TXK: variants seen among roughly 807,000 people sequenced by gnomAD.
The protein encoded by TXK is TXK tyrosine kinase.
TXK carries 60 observed loss-of-function variants against 81.0 expected under a neutral mutation model. The observed-to-expected ratio is 0.74, with a 90% CI of 0.60 to 0.92. The LOEUF (loss-of-function observed/expected upper bound fraction) is 0.92. TXK is among the 40% of genes least tolerant of loss of function. The pLI is 0.00. For missense variants in TXK, 581 were observed against 638.3 expected (o/e 0.91, Z 0.97); for synonymous variants, 203 against 210.7 (o/e 0.96, Z 0.32).
intron 1 of TXK, among the ~76,000 whole-genome samples, chr4:48,124,533 T>C (rs887272603): frequency 6.6e-6 from 1 of 151,896 alleles, no homozygotes; most frequent in Middle Eastern, 3.2e-3. Context: ...CCCACCAATA[T>C]CAACACCCTT....
At chr4:48,127,004 A>G (rs995395627) in intron 1 of TXK, among the ~76,000 whole-genome samples, 4 of 152,216 alleles carry the variant, frequency 2.6e-5, no homozygotes, top group African/African-American at 9.7e-5. Context: ...TTCCTGATTC[A>G]ATAGCAAAGA....
intron 5 of TXK, among the ~76,000 whole-genome samples, chr4:48,106,698 C>G (rs889674959): frequency 6.6e-6 from 1 of 152,072 alleles, no homozygotes; most frequent in Non-Finnish European, 1.5e-5. Context: ...TAGTAAATGA[C>G]TTTCTAACTG....
At chr4:48,090,351 G>A (rs1041307056) in intron 8 of TXK, among the ~76,000 whole-genome samples, 3 of 152,086 alleles carry the variant, frequency 2.0e-5, no homozygotes, top group Non-Finnish European at 2.9e-5. Flanking sequence ...AGGTCAAAGC[G>A]TGTCCAGAAA....
rs758178726 is a variant in TXK, at chr4:48,095,206, A to C, written c.518T>G (p.Phe173Cys). 5.6e-6 allele frequency: 9 copies of C among 1,613,488 alleles called. No individual in the cohort carries two copies. The South Asian group carries it at 6.6e-5, about 12-fold the overall frequency. The change falls in exon 7 of 15, where the codon TTT becomes TGT. Residue 173 changes from phenylalanine to cysteine, a missense_variant. Physicochemically the swap from Phe to Cys is radical, Grantham distance 205. Coordinates refer to ENST00000264316, the MANE Select transcript of TXK (RefSeq NM_003328.3). ...TAAATGTCTTGAATCTCTGACAATA[A>C]ATGCACCTTCTTTAGACTGCAAAAA... ...LLRQESKEGA[F>C]IVRDSRHLGS...
Position 48,134,188 on chromosome 4 carries a change from G to A in TXK, c.-18C>T, listed in dbSNP as rs191099671. ...AGGATCATGGTAGCCCCTTCTGCGGGGAGCACACAACAGTCTTCAGTTCTT... is the reference window on the plus strand; with the variant it reads ...AGGATCATGGTAGCCCCTTCTGCGGAGAGCACACAACAGTCTTCAGTTCTT... On this transcript the variant is annotated 5_prime_UTR_variant, in exon 1 of 15. Coordinates refer to ENST00000264316, the MANE Select transcript of TXK (RefSeq NM_003328.3). 1.2e-6 allele frequency: 2 copies of A among 1,613,276 alleles called. No homozygotes were observed. Among genetic ancestry groups the A allele is most frequent in the African/African-American group, 2.7e-5 (2 of 75,010 alleles).
At chr4:48,076,351 C>G (rs1717066513) in intron 12 of TXK, 51 bp downstream of exon 12, 1 of 1,317,788 alleles carries the variant, frequency 7.6e-7, no homozygotes, top group African/African-American at 1.5e-5. Flanking sequence ...AAGATTCCCT[C>G]TTATGAGTAA....
intron 1 of TXK, among the ~76,000 whole-genome samples, chr4:48,115,111 C>T (rs546487919): frequency 2.0e-5 from 3 of 151,924 alleles, no homozygotes; most frequent in East Asian, 1.9e-4. Context: ...TATATATGTG[C>T]CATGGTAGTT....
chr4:48,128,569 T>C (rs994061013), intron 1 of TXK, among the ~76,000 whole-genome samples: 2 of 139,526 alleles, frequency 1.4e-5, no homozygotes, highest in African/African-American at 5.4e-5. Context: ...TCCTTTTTTT[T>C]TTTTTTTTTT....
intron 1 of TXK, among the ~76,000 whole-genome samples, chr4:48,117,044 C>G (rs1718831488): frequency 1.3e-5 from 2 of 152,152 alleles, no homozygotes; most frequent in Admixed American, 1.3e-4. Flanking sequence ...TGCCACCACA[C>G]CCAGCTAATT....
chr4:48,117,514 G>A (rs1219694820), intron 1 of TXK, among the ~76,000 whole-genome samples: 1 of 152,168 alleles, frequency 6.6e-6, no homozygotes, highest in African/African-American at 2.4e-5. Flanking sequence ...AAATTCAGTA[G>A]TACAAGGAAT....
chr4:48,124,936 T>C (rs758934154), intron 1 of TXK, among the ~76,000 whole-genome samples: 12 of 152,182 alleles, frequency 7.9e-5, no homozygotes, highest in Non-Finnish European at 1.8e-4. Context: ...GGAGCAACAA[T>C]GTGATTTTGG....
At chr4:48,129,750 G>T (rs980974629) in intron 1 of TXK, among the ~76,000 whole-genome samples, 1 of 152,212 alleles carries the variant, frequency 6.6e-6, no homozygotes, top group African/African-American at 2.4e-5. Context: ...GCTGATGTGA[G>T]TTGGTCTTTG....
At chr4:48,071,109 G>A (rs1244271248) in intron 14 of TXK, among the ~76,000 whole-genome samples, 1 of 145,908 alleles carries the variant, frequency 6.9e-6, no homozygotes, top group African/African-American at 2.5e-5. Flanking sequence ...CACGTTGGCT[G>A]GGCTGGTCTC....
At chr4:48,084,735 T>C (rs189258971) in intron 10 of TXK, among the ~76,000 whole-genome samples, 103 of 152,288 alleles carry the variant, frequency 6.8e-4, no homozygotes, top group African/African-American at 2.4e-3. Context: ...GAATTCGTTC[T>C]ATTGTAAGTG....
chr4:48,121,939 T>C (rs1718973930), intron 1 of TXK, among the ~76,000 whole-genome samples: 2 of 152,170 alleles, frequency 1.3e-5, no homozygotes, highest in Non-Finnish European at 2.9e-5. Context: ...ATTTTTGATA[T>C]ATATATTTCA....
At chr4:48,099,345 A>G (rs550504752) in intron 6 of TXK, among the ~76,000 whole-genome samples, 1 of 152,222 alleles carries the variant, frequency 6.6e-6, no homozygotes, top group African/African-American at 2.4e-5. Flanking sequence ...GAAGAATACA[A>G]AAATGTTTGC....
At chr4:48,101,647 T>C (rs1718200175) in intron 6 of TXK, among the ~76,000 whole-genome samples, 1 of 151,546 alleles carries the variant, frequency 6.6e-6, no homozygotes, top group African/African-American at 2.4e-5. Context: ...ATAGAAAAAA[T>C]ATGTATATTT....
In TXK at chr4:48,086,452, T is replaced by C; in HGVS notation, c.956+14A>G. On this transcript the variant is annotated intron_variant, in intron 10 of 14. Transcript: ENST00000264316. ...GCATGGTATGATATTTATCAGGGTG[T>C]TGTTTATACGTACATCATCACTTTG... 1 of 1,613,396 alleles carries C rather than the reference T, an allele frequency of 6.2e-7. No individual in the cohort carries two copies. Among genetic ancestry groups the C allele is most frequent in the Non-Finnish European group, 8.5e-7 (1 of 1,179,442 alleles).
intron 1 of TXK, among the ~76,000 whole-genome samples, chr4:48,116,262 C>T (rs1718808519): frequency 1.3e-5 from 2 of 152,112 alleles, no homozygotes; most frequent in South Asian, 4.2e-4. Context: ...TGAGTCGATT[C>T]ATGTAAAACT....
Sources: allele counts gnomAD v4.1 joint callset (sites outside exome capture counted in the v4.1 genomes callset), GRCh38; gene constraint gnomAD v4.1.1; transcripts MANE v1.5; gene names NCBI Gene and HGNC (gene_info 2026-07-23, HGNC 2026-07-21).